KIAA0825: variants seen among roughly 807,000 people sequenced by gnomAD.
KIAA0825 encodes the protein uncharacterized protein KIAA0825.
Under a neutral mutation model 147.6 loss-of-function variants are expected in KIAA0825, and 119 were observed. The observed-to-expected ratio is 0.81, with a 90% CI of 0.69 to 0.94. KIAA0825 has a LOEUF of 0.94. Among genes scored for constraint, KIAA0825 ranks in the 40% least tolerant of loss-of-function variants. The pLI, the probability that KIAA0825 is intolerant of heterozygous loss-of-function variation, is 0.00. For synonymous variants in KIAA0825, 470 were observed against 518.1 expected, an observed-to-expected ratio of 0.91 and a Z score of 1.26; for missense variants, 1,381 against 1,472.7, an observed-to-expected ratio of 0.94 and a Z score of 1.02.
chr5:94,509,467 A>G (rs1766183173), intron 5 of KIAA0825, among the ~76,000 whole-genome samples: 1 of 152,204 alleles, frequency 6.6e-6, no homozygotes, highest in South Asian at 2.1e-4. Context: ...AAAAATAGAA[A>G]GGACTTAGAA....
At chr5:94,204,267 T>C (rs1292447419) in intron 20 of KIAA0825, among the ~76,000 whole-genome samples, 2 of 152,162 alleles carry the variant, frequency 1.3e-5, no homozygotes, top group African/African-American at 4.8e-5. Context: ...ATTTAAGGCA[T>C]TATAGTTTTG....
At chr5:94,338,111 A>G (rs1226466339) in intron 20 of KIAA0825, among the ~76,000 whole-genome samples, 1 of 152,220 alleles carries the variant, frequency 6.6e-6, no homozygotes, top group Non-Finnish European at 1.5e-5. Flanking sequence ...TACAACACCC[A>G]GGTTCCCAGC....
intron 20 of KIAA0825, among the ~76,000 whole-genome samples, chr5:94,305,668 A>T (rs560699904): frequency 2.6e-4 from 39 of 152,148 alleles, no homozygotes; most frequent in Non-Finnish European, 5.0e-4. Context: ...GCAAGGAGGC[A>T]GTTTTTATTC....
At chr5:94,475,246 C>T (rs554251089) in intron 7 of KIAA0825, among the ~76,000 whole-genome samples, 29 of 152,254 alleles carry the variant, frequency 1.9e-4, no homozygotes, top group Admixed American at 1.6e-3. Context: ...AAACTACCTC[C>T]ATGAAAATTC....
chr5:94,288,094 TG>T (rs1015536991), intron 20 of KIAA0825, among the ~76,000 whole-genome samples: 1 of 152,170 alleles, frequency 6.6e-6, no homozygotes, highest in African/African-American at 2.4e-5. Context: ...CTAAAGGCCC[TG>T]AGGTCAACCC....
Position 94,339,899 on chromosome 5 carries a change from A to G in KIAA0825, c.3710+44469T>C, listed in dbSNP as rs926448431. 2.0e-5 allele frequency among the ~76,000 whole-genome samples: 3 copies of G among 152,150 alleles called. No homozygotes were observed. In the South Asian group the frequency reaches 6.2e-4, roughly 32 times the overall value. Reference sequence around the variant, plus strand: ...ATAAACTTAAAAAGCAATCTAAAATATATCCCCATTTTCATCAGTGAACTC... The same window carrying G: ...ATAAACTTAAAAAGCAATCTAAAATGTATCCCCATTTTCATCAGTGAACTC... On this transcript the variant is annotated intron_variant, in intron 20 of 20. Coordinates refer to ENST00000682413, the MANE Select transcript of KIAA0825 (RefSeq NM_001145678.3).
intron 16 of KIAA0825, among the ~76,000 whole-genome samples, chr5:94,399,990 T>G (rs1329361915): frequency 1.3e-5 from 2 of 152,114 alleles, no homozygotes; most frequent in Non-Finnish European, 2.9e-5. Context: ...AAAGGTCAAG[T>G]TCTAAGTTCA....
chr5:94,226,057 A>G (rs1774132469), intron 20 of KIAA0825, among the ~76,000 whole-genome samples: 1 of 152,240 alleles, frequency 6.6e-6, no homozygotes, highest in Non-Finnish European at 1.5e-5. Context: ...AAAAGAAACT[A>G]TCATCAGAGT....
intron 10 of KIAA0825, among the ~76,000 whole-genome samples, chr5:94,467,768 C>T (rs1213496845): frequency 1.3e-5 from 2 of 152,198 alleles, no homozygotes; most frequent in Admixed American, 6.5e-5. Flanking sequence ...TACCCTTCAC[C>T]TCCAGTCAGG....
intron 1 of KIAA0825, chr5:94,615,596 A>G (rs1278953851): frequency 6.6e-6 from 1 of 152,224 alleles, no homozygotes; most frequent in Non-Finnish European, 1.5e-5. Flanking sequence ...CAGAGAATAA[A>G]CACAGAAAAA....
intron 3 of KIAA0825, among the ~76,000 whole-genome samples, chr5:94,528,379 C>T (rs75484830): frequency 0.013 from 2,006 of 152,194 alleles, 40 homozygotes; most frequent in African/African-American, 0.047. Context: ...TGTTATATAC[C>T]ACGGATCCCA....
chr5:94,366,065 C>T (rs191346906), intron 20 of KIAA0825, among the ~76,000 whole-genome samples: 11 of 152,224 alleles, frequency 7.2e-5, no homozygotes, highest in East Asian at 5.8e-4. Context: ...ATTTCATCTC[C>T]GACCTGACCA....
intron 2 of KIAA0825, among the ~76,000 whole-genome samples, chr5:94,565,000 C>T (rs570353341): frequency 0.012 from 1,520 of 124,924 alleles, 33 homozygotes; most frequent in African/African-American, 0.044. Context: ...TCTCCTCTCT[C>T]TCTCTCTCCC....
At chr5:94,329,182 G>GT (rs1430703985) in intron 20 of KIAA0825, among the ~76,000 whole-genome samples, 7 of 151,602 alleles carry the variant, frequency 4.6e-5, no homozygotes, top group South Asian at 2.1e-4. Flanking sequence ...GACATAGAAG[G>GT]TTTTTTTTAA....
intron 20 of KIAA0825, among the ~76,000 whole-genome samples, chr5:94,177,988 A>G (rs1769261369): frequency 6.6e-6 from 1 of 152,082 alleles, no homozygotes; most frequent in African/African-American, 2.4e-5. Context: ...AAAAGTCAGT[A>G]TCCAAGTCTT....
intron 20 of KIAA0825, among the ~76,000 whole-genome samples, chr5:94,356,855 G>C (rs1339291868): frequency 2.0e-5 from 3 of 150,648 alleles, no homozygotes; most frequent in South Asian, 2.1e-4. Flanking sequence ...CTCCCGAGTA[G>C]CTGGGACTAC....
chr5:94,542,315 T>A (rs1294624603), intron 2 of KIAA0825, among the ~76,000 whole-genome samples: 5 of 152,218 alleles, frequency 3.3e-5, no homozygotes, highest in Non-Finnish European at 5.9e-5. Flanking sequence ...ATGTTGCTGA[T>A]CTTTTGTTTT....
intron 17 of KIAA0825, among the ~76,000 whole-genome samples, chr5:94,393,704 T>C (rs1398295695): frequency 2.0e-5 from 3 of 152,216 alleles, no homozygotes; most frequent in Middle Eastern, 3.2e-3. Context: ...CTCTACCTAA[T>C]ACAGGCATCA....
intron 20 of KIAA0825, among the ~76,000 whole-genome samples, chr5:94,202,223 C>A (rs889048899): frequency 1.3e-5 from 2 of 152,144 alleles, no homozygotes; most frequent in African/African-American, 4.8e-5. Context: ...CACTGTTCTC[C>A]TGCAACTGGC....
Sources: allele counts gnomAD v4.1 joint callset (sites outside exome capture counted in the v4.1 genomes callset), GRCh38; gene constraint gnomAD v4.1.1; transcripts MANE v1.5; gene names NCBI Gene and HGNC (gene_info 2026-07-23, HGNC 2026-07-21).